The following GABRA3 variants were observed in gnomAD, a reference collection of about 807,000 sequenced individuals.
GABRA3 encodes gamma-aminobutyric acid type A receptor subunit alpha3, also known as gamma-aminobutyric acid receptor subunit alpha-3.
Under a neutral mutation model 30.1 loss-of-function variants are expected in GABRA3, and 10 were observed. The ratio of observed to expected loss-of-function variants is 0.33; its 90% confidence interval spans 0.20 to 0.56. GABRA3 has a LOEUF of 0.56. Ranked by LOEUF, GABRA3 falls within the 20% of genes least tolerant of loss-of-function variation. The probability of loss-of-function intolerance (pLI) is 0.89; values close to 1 mark genes in which losing one functional copy is unlikely to be tolerated. For synonymous variants in GABRA3, 151 were observed against 146.8 expected, an observed-to-expected ratio of 1.03 and a Z score of -0.21; for missense variants, 233 against 392.0, an observed-to-expected ratio of 0.59 and a Z score of 3.42.
At chrX:152,289,323 C>T (rs1569384200) in intron 3 of GABRA3, among the ~76,000 whole-genome samples, 1 of 109,498 alleles carries the variant, frequency 9.1e-6, no homozygotes, top group Non-Finnish European at 1.9e-5. Flanking sequence ...ATCCACACAA[C>T]AAAGTCTGCT....
chrX:152,421,641 A>G (rs1391526262), intron 1 of GABRA3, among the ~76,000 whole-genome samples: 1 of 111,825 alleles, frequency 8.9e-6, no homozygotes, highest in African/African-American at 3.2e-5. Context: ...TGCAATACAT[A>G]TATTTGACAG....
chrX:152,326,898 C>A (rs751950256), intron 3 of GABRA3, among the ~76,000 whole-genome samples: 2 of 110,885 alleles, frequency 1.8e-5, no homozygotes, highest in East Asian at 2.8e-4. Flanking sequence ...AATTGAAAGA[C>A]ACAGACTGGC....
intron 1 of GABRA3, among the ~76,000 whole-genome samples, chrX:152,447,682 C>A (rs967886189): frequency 5.3e-5 from 6 of 112,181 alleles, no homozygotes; most frequent in African/African-American, 1.9e-4. Context: ...TAAGAAAAAA[C>A]AAACATTTTA....
chrX:152,431,150 T>C (rs1930642483), intron 1 of GABRA3, among the ~76,000 whole-genome samples: 2 of 111,615 alleles, frequency 1.8e-5, no homozygotes, highest in South Asian at 3.7e-4. Context: ...ATTTCAGATT[T>C]CCTAGCAGAT....
intron 9 of GABRA3, among the ~76,000 whole-genome samples, chrX:152,181,763 T>C (rs1937151801): frequency 9.1e-6 from 1 of 109,588 alleles, no homozygotes; most frequent in African/African-American, 3.3e-5. Context: ...ATGGCACATG[T>C]ATACATATGT....
intron 7 of GABRA3, among the ~76,000 whole-genome samples, chrX:152,202,298 T>C (rs1331255183): frequency 8.9e-6 from 1 of 111,779 alleles, no homozygotes; most frequent in Non-Finnish European, 1.9e-5. Flanking sequence ...TAGAAAGGAA[T>C]GCCCATAATT....
At chrX:152,312,872 A>G (rs1054358741) in intron 3 of GABRA3, among the ~76,000 whole-genome samples, 3 of 112,078 alleles carry the variant, frequency 2.7e-5, no homozygotes. Flanking sequence ...CAACAGGCAT[A>G]TGAAAAAATG....
At chrX:152,229,969 C>T (rs1006531608) in intron 5 of GABRA3, among the ~76,000 whole-genome samples, 3 of 111,045 alleles carry the variant, frequency 2.7e-5, no homozygotes, top group African/African-American at 9.8e-5. Context: ...TTACTAAAAC[C>T]CTCATCTAGC....
intron 1 of GABRA3, chrX:152,389,497 T>C (rs1380076168): frequency 9.0e-6 from 1 of 111,670 alleles, no homozygotes; most frequent in Admixed American, 9.6e-5. Context: ...GAAGCGGCAC[T>C]ACTAGAGGCT....
chrX:152,208,550 C>A (rs1937600375), intron 6 of GABRA3, among the ~76,000 whole-genome samples: 1 of 111,190 alleles, frequency 9.0e-6, no homozygotes, highest in Non-Finnish European at 1.9e-5. Flanking sequence ...ATATTCGACC[C>A]CTCCAATTCT....
intron 1 of GABRA3, among the ~76,000 whole-genome samples, chrX:152,444,589 C>A (rs968855207): frequency 9.0e-6 from 1 of 110,760 alleles, no homozygotes; most frequent in African/African-American, 3.3e-5. Flanking sequence ...GGTGATAAGA[C>A]TGCCATCACA....
At chrX:152,444,815 A>C (rs1931036140) in intron 1 of GABRA3, among the ~76,000 whole-genome samples, 1 of 82,060 alleles carries the variant, frequency 1.2e-5, no homozygotes, top group African/African-American at 4.6e-5. Flanking sequence ...TAATCCCAGC[A>C]CTTTGGGAGG....
Position 152,175,639 on chromosome X carries a change from C to G in GABRA3, c.1144-7076G>C, listed in dbSNP as rs141593981. On this transcript the variant is annotated intron_variant, in intron 9 of 9. Transcript: ENST00000370314. ...ATGAATGCTAGTGATAGAAGGTCTG[C>G]CTGAGAAGGTAAGTAGAGACCTGAA... Among the ~76,000 whole-genome samples, 69 of 111,625 alleles carry G rather than the reference C, an allele frequency of 6.2e-4. 1 individual carries two copies. In the East Asian group the frequency reaches 0.018, roughly 28 times the overall value.
intron 4 of GABRA3, 127 bp downstream of exon 4, chrX:152,284,541 T>G: frequency 2.4e-6 from 1 of 424,055 alleles, no homozygotes. Context: ...GTGGCGAGGG[T>G]AGGAAATTCA....
At chrX:152,332,691 C>T (rs1940181611) in intron 3 of GABRA3, among the ~76,000 whole-genome samples, 1 of 111,889 alleles carries the variant, frequency 8.9e-6, no homozygotes, top group African/African-American at 3.2e-5. Flanking sequence ...TCTTGGTCTG[C>T]CTGCCTGTAA....
intron 9 of GABRA3, among the ~76,000 whole-genome samples, chrX:152,179,968 G>A (rs1214932946): frequency 1.8e-5 from 2 of 111,602 alleles, no homozygotes; most frequent in African/African-American, 6.5e-5. Context: ...TCAGTTTATA[G>A]ACACTTAGGT....
chrX:152,183,481 T>C (rs954013230), intron 9 of GABRA3, among the ~76,000 whole-genome samples: 1 of 89,455 alleles, frequency 1.1e-5, no homozygotes, highest in African/African-American at 5.0e-5. Context: ...TCTATTTTGT[T>C]TATCTTTTGA....
chrX:152,363,857 G>C (rs1603248362), intron 2 of GABRA3, among the ~76,000 whole-genome samples: 1 of 112,064 alleles, frequency 8.9e-6, no homozygotes, highest in East Asian at 2.8e-4. Flanking sequence ...TGGAACGTAA[G>C]AACAGAGAAG....
intron 4 of GABRA3, among the ~76,000 whole-genome samples, chrX:152,269,882 T>C (rs749947079): frequency 8.9e-6 from 1 of 112,136 alleles, no homozygotes; most frequent in Admixed American, 9.5e-5. Context: ...CTTAAAATTA[T>C]GAAACTACTG....
Sources: allele counts gnomAD v4.1 joint callset (sites outside exome capture counted in the v4.1 genomes callset), GRCh38; gene constraint gnomAD v4.1.1; transcripts MANE v1.5; gene names NCBI Gene and HGNC (gene_info 2026-07-23, HGNC 2026-07-21).